The following GRID1 variants were observed in gnomAD, a reference collection of about 807,000 sequenced individuals.
GRID1 encodes the protein glutamate receptor ionotropic, delta-1.
Under a neutral mutation model 98.0 loss-of-function variants are expected in GRID1, and 28 were observed. The observed-to-expected ratio is 0.29, with a 90% CI of 0.21 to 0.39. The LOEUF (loss-of-function observed/expected upper bound fraction) is 0.39. Ranked by LOEUF, GRID1 falls within the 10% of genes least tolerant of loss-of-function variation. The pLI, the probability that GRID1 is intolerant of heterozygous loss-of-function variation, is 1.00. For synonymous variants in GRID1, 553 were observed against 538.5 expected, an observed-to-expected ratio of 1.03 and a Z score of -0.37; for missense variants, 1,111 against 1,340.5, an observed-to-expected ratio of 0.83 and a Z score of 2.67.
intron 4 of GRID1, among the ~76,000 whole-genome samples, chr10:86,067,537 T>C (rs1156946671): frequency 6.6e-6 from 1 of 152,248 alleles, no homozygotes; most frequent in African/African-American, 2.4e-5. Flanking sequence ...TACAGCTGAT[T>C]TTTTAAAACT....
At chr10:86,132,640 T>C (rs1458909428) in intron 4 of GRID1, among the ~76,000 whole-genome samples, 1 of 152,234 alleles carries the variant, frequency 6.6e-6, no homozygotes, top group Non-Finnish European at 1.5e-5. Flanking sequence ...AAGATTTACC[T>C]TGTTAGAGTG....
intron 8 of GRID1, among the ~76,000 whole-genome samples, chr10:85,731,120 T>C (rs1841816894): frequency 1.3e-5 from 2 of 152,154 alleles, no homozygotes; most frequent in South Asian, 4.1e-4. Flanking sequence ...CCATAGAACC[T>C]GAGGAGTCAT....
At position 86,165,320 on chromosome 10, in the gene GRID1, A is replaced by G. The variant is rs1564694686; in HGVS notation, c.521-26296T>C. On this transcript the variant is annotated intron_variant, in intron 3 of 15. Coordinates refer to ENST00000327946, the MANE Select transcript of GRID1 (RefSeq NM_017551.3). ...TGTGTCAAAGCATCTGCAAGTTTCT[A>G]TGTTGCTCGGCGCTCAAGGTTTCTG... 2.0e-5 allele frequency among the ~76,000 whole-genome samples: 3 copies of G among 152,210 alleles called. 1 individual carries two copies. In the East Asian group the frequency reaches 5.8e-4, roughly 29 times the overall value.
chr10:86,105,439 C>T (rs1040595126), intron 4 of GRID1, among the ~76,000 whole-genome samples: 1 of 152,224 alleles, frequency 6.6e-6, no homozygotes, highest in African/African-American at 2.4e-5. Context: ...CTGCACCACG[C>T]TATCTCTTCA....
At chr10:85,786,887 G>A (rs915481312) in intron 8 of GRID1, among the ~76,000 whole-genome samples, 11 of 152,148 alleles carry the variant, frequency 7.2e-5, no homozygotes, top group Non-Finnish European at 1.5e-4. Flanking sequence ...GTGGGAGGGA[G>A]AAGCTTTCAA....
intron 13 of GRID1, among the ~76,000 whole-genome samples, chr10:85,629,603 T>C (rs959026437): frequency 6.6e-6 from 1 of 152,270 alleles, no homozygotes; most frequent in African/African-American, 2.4e-5. Context: ...TTTGCATAAA[T>C]ATACATATAT....
chr10:85,901,400 C>A (rs1400942404), intron 5 of GRID1, among the ~76,000 whole-genome samples: 3 of 152,064 alleles, frequency 2.0e-5, no homozygotes, highest in African/African-American at 7.2e-5. Flanking sequence ...GTGCCCGCCA[C>A]CATGCCCGGC....
At chr10:86,321,875 A>G (rs1235307849) in intron 2 of GRID1, among the ~76,000 whole-genome samples, 1 of 152,158 alleles carries the variant, frequency 6.6e-6, no homozygotes, top group Non-Finnish European at 1.5e-5. Context: ...AGCCTCACAG[A>G]TAGGACAACA....
intron 5 of GRID1, among the ~76,000 whole-genome samples, chr10:85,900,494 C>T (rs1841366067): frequency 6.6e-6 from 1 of 152,186 alleles, no homozygotes; most frequent in East Asian, 1.9e-4. Flanking sequence ...TTTTAAAACT[C>T]CCTAAGTGTC....
At chr10:86,254,581 G>A (rs942703275) in intron 2 of GRID1, among the ~76,000 whole-genome samples, 3 of 116,558 alleles carry the variant, frequency 2.6e-5, no homozygotes, top group Non-Finnish European at 3.6e-5. Flanking sequence ...TCACGTTGCA[G>A]CCCCATAGTG....
intron 4 of GRID1, among the ~76,000 whole-genome samples, chr10:86,133,678 T>C (rs1054713320): frequency 6.6e-6 from 1 of 152,216 alleles, no homozygotes; most frequent in African/African-American, 2.4e-5. Context: ...AAATATTAAA[T>C]TCCCATTCAT....
chr10:86,219,612 G>C (rs1397086535), intron 2 of GRID1, among the ~76,000 whole-genome samples: 1 of 152,238 alleles, frequency 6.6e-6, no homozygotes, highest in Non-Finnish European at 1.5e-5. Context: ...CCCCGTCCCA[G>C]AGTGAGGGCA....
intron 14 of GRID1, among the ~76,000 whole-genome samples, chr10:85,618,081 C>T (rs1002883311): frequency 2.0e-5 from 3 of 152,192 alleles, no homozygotes; most frequent in Non-Finnish European, 4.4e-5. Flanking sequence ...ATGGGAGCCC[C>T]CTCTGCTCTG....
intron 4 of GRID1, among the ~76,000 whole-genome samples, chr10:86,051,270 A>G (rs945993558): frequency 2.0e-5 from 3 of 151,338 alleles, no homozygotes; most frequent in South Asian, 2.1e-4. Context: ...TGAAGAAAAG[A>G]TAAACTTCCA....
chr10:86,316,824 T>G (rs1401634863), intron 2 of GRID1, among the ~76,000 whole-genome samples: 1 of 152,224 alleles, frequency 6.6e-6, no homozygotes, highest in African/African-American at 2.4e-5. Flanking sequence ...TGCTTTTATA[T>G]GATTTTCCAT....
chr10:85,922,805 G>A (rs1040273032), intron 4 of GRID1, among the ~76,000 whole-genome samples: 2 of 152,138 alleles, frequency 1.3e-5, no homozygotes, highest in Non-Finnish European at 2.9e-5. Flanking sequence ...CATGAGGCCC[G>A]AGTTTTCAGA....
chr10:85,774,414 G>T (rs1242098894), intron 8 of GRID1, among the ~76,000 whole-genome samples: 1 of 152,066 alleles, frequency 6.6e-6, no homozygotes, highest in Non-Finnish European at 1.5e-5. Context: ...CATAGGCATG[G>T]GCAAGAACTT....
intron 3 of GRID1, among the ~76,000 whole-genome samples, chr10:86,204,828 T>G (rs764911066): frequency 1.2e-4 from 19 of 152,106 alleles, no homozygotes; most frequent in Non-Finnish European, 2.1e-4. Context: ...GCAGTGTCCA[T>G]GCCTCTCCAC....
chr10:85,649,273 C>T (rs1843235264), intron 12 of GRID1, among the ~76,000 whole-genome samples: 1 of 152,222 alleles, frequency 6.6e-6, no homozygotes, highest in Admixed American at 6.5e-5. Flanking sequence ...CCACAGCACT[C>T]CTTAGGTCCC....
Sources: gnomAD v4.1 joint callset for allele counts (sites outside exome capture counted in the v4.1 genomes callset) on GRCh38, gnomAD v4.1.1 for gene constraint, MANE v1.5 for transcripts, NCBI Gene and HGNC (gene_info 2026-07-23, HGNC 2026-07-21) for gene names.